Variants in CNBD1 observed in about 807,000 individuals in gnomAD.
CNBD1 encodes the protein cyclic nucleotide-binding domain-containing protein 1.
In CNBD1, 71 loss-of-function variants were observed where a neutral mutation model predicts 54.4. That is an observed-to-expected ratio of 1.30 (90% confidence interval 1.08 to 1.59). CNBD1 has a LOEUF of 1.59. CNBD1 is among the 40% of genes most tolerant of loss of function. CNBD1 has a pLI of 0.00. For synonymous variants in CNBD1, 182 were observed against 170.7 expected (o/e 1.07, Z -0.51); for missense variants, 659 against 518.0 (o/e 1.27, Z -2.64).
chr8:87,196,714 C>T (rs1250924663), intron 4 of CNBD1, among the ~76,000 whole-genome samples: 1 of 152,182 alleles, frequency 6.6e-6, no homozygotes, highest in Admixed American at 6.5e-5. Flanking sequence ...GATCAGAAGC[C>T]AGATACCACT....
chr8:87,423,418 C>T (rs1345789119), intron 2 of CNBD1, among the ~76,000 whole-genome samples: 2 of 151,558 alleles, frequency 1.3e-5, no homozygotes, highest in African/African-American at 2.4e-5. Context: ...GGGTTTGTCA[C>T]AGATAGCTCT....
At chr8:86,878,278 A>G (rs989796459) in intron 1 of CNBD1, among the ~76,000 whole-genome samples, 1 of 152,098 alleles carries the variant, frequency 6.6e-6, no homozygotes, top group Non-Finnish European at 1.5e-5. Flanking sequence ...CAGGATTATT[A>G]AATAGTGGTT....
At chr8:87,022,916 G>C (rs146178261) in intron 4 of CNBD1, among the ~76,000 whole-genome samples, 453 of 152,300 alleles carry the variant, frequency 3.0e-3, no homozygotes, top group African/African-American at 0.01. Flanking sequence ...ATGGAGGTAA[G>C]AAAGGAGGCA....
downstream of CNBD1, among the ~76,000 whole-genome samples, chr8:87,386,907 T>C (rs1049005502): frequency 2.6e-4 from 39 of 152,178 alleles, no homozygotes; most frequent in African/African-American, 9.4e-4. Context: ...ACAGCTGATC[T>C]CTCAGCAGAA....
intron 4 of CNBD1, among the ~76,000 whole-genome samples, chr8:87,204,603 C>A (rs796332345): frequency 4.6e-5 from 7 of 152,148 alleles, no homozygotes; most frequent in African/African-American, 1.7e-4. Flanking sequence ...ACTAAGCAAA[C>A]AAAACAGAAT....
At chr8:87,224,077 T>G (rs2130811862) in intron 5 of CNBD1, among the ~76,000 whole-genome samples, 1 of 151,428 alleles carries the variant, frequency 6.6e-6, no homozygotes, top group South Asian at 2.1e-4. Context: ...TCACCCACTT[T>G]TTGATGGGGT....
In CNBD1 at chr8:87,382,702, C is replaced by A; in HGVS notation, c.*75C>A. 1 of 1,097,584 alleles carries A rather than the reference C, an allele frequency of 9.1e-7. No homozygotes were observed. The highest frequency in any genetic ancestry group is 1.3e-6 in the Non-Finnish European group (1 of 752,088). 68.0% of individuals were successfully genotyped at this position (1,097,584 alleles called of 1,614,324 possible). On this transcript the variant is annotated 3_prime_UTR_variant, in exon 11 of 11. Coordinates refer to ENST00000518476, the MANE Select transcript of CNBD1 (RefSeq NM_173538.3). ...AATGGAATAATTGCATTCTGGAATACTATCAAACTACCAGCAATGAATTTG... is the reference window on the plus strand; with the variant it reads ...AATGGAATAATTGCATTCTGGAATAATATCAAACTACCAGCAATGAATTTG...
chr8:86,900,953 C>T (rs1265858320), intron 2 of CNBD1, among the ~76,000 whole-genome samples: 2 of 152,102 alleles, frequency 1.3e-5, no homozygotes, highest in South Asian at 2.1e-4. Context: ...TGTGGAACTT[C>T]TTTGAAAAAA....
intron 4 of CNBD1, among the ~76,000 whole-genome samples, chr8:87,074,990 A>T (rs1810838538): frequency 6.6e-6 from 1 of 152,176 alleles, no homozygotes; most frequent in African/African-American, 2.4e-5. Flanking sequence ...TCTTTTTGGA[A>T]AAAGTACATA....
chr8:87,426,138 G>A (rs939262546), intron 2 of CNBD1, among the ~76,000 whole-genome samples: 2 of 152,224 alleles, frequency 1.3e-5, no homozygotes, highest in African/African-American at 4.8e-5. Context: ...CTGAGCCCTT[G>A]TGCTTCCTGA....
At chr8:87,252,215 G>C (rs565894296) in intron 6 of CNBD1, among the ~76,000 whole-genome samples, 120 of 152,150 alleles carry the variant, frequency 7.9e-4, no homozygotes, top group Admixed American at 2.7e-3. Flanking sequence ...AAAGGAAAAG[G>C]CTTTTCCATT....
chr8:87,381,433 G>A (rs528078548), intron 10 of CNBD1, among the ~76,000 whole-genome samples: 1 of 151,862 alleles, frequency 6.6e-6, no homozygotes, highest in Non-Finnish European at 1.5e-5. Flanking sequence ...GTTAATGGGA[G>A]CACAAAATGA....
chr8:87,111,284 C>T (rs145526848), intron 4 of CNBD1, among the ~76,000 whole-genome samples: 1 of 152,226 alleles, frequency 6.6e-6, no homozygotes, highest in African/African-American at 2.4e-5. Flanking sequence ...AAATGACAAC[C>T]AAGTAGGCCC....
intron 1 of CNBD1, among the ~76,000 whole-genome samples, chr8:86,879,338 A>G (rs996788213): frequency 6.6e-6 from 1 of 152,230 alleles, no homozygotes; most frequent in Non-Finnish European, 1.5e-5. Context: ...TTAAAAAGTC[A>G]TAAAGAAAGA....
In CNBD1 at chr8:87,351,893, C is replaced by T. The variant is rs1257845288; in HGVS notation, c.1152+99C>T. On this transcript the variant is annotated intron_variant, in intron 9 of 10. Transcript: ENST00000518476. ...ACTTACTAGACATTTATTTGTATTACTTTGTGAAATTTCTATTCAATTTTT... is the reference window on the plus strand; with the variant it reads ...ACTTACTAGACATTTATTTGTATTATTTTGTGAAATTTCTATTCAATTTTT... 11 of 1,177,924 alleles carry T rather than the reference C, an allele frequency of 9.3e-6. No homozygotes were observed. The South Asian group carries it at 1.4e-4, about 15-fold the overall frequency. 73.0% of individuals were successfully genotyped at this position (1,177,924 alleles called of 1,614,324 possible).
In CNBD1 at chr8:86,991,614, G is replaced by A. The variant is rs989599881; in HGVS notation, c.431+51860G>A. 4.6e-5 allele frequency among the ~76,000 whole-genome samples: 7 copies of A among 151,992 alleles called. 1 individual carries two copies. Among genetic ancestry groups the A allele is most frequent in the Admixed American group, 2.0e-4 (3 of 15,270 alleles). On this transcript the variant is annotated intron_variant, in intron 4 of 10. Coordinates refer to ENST00000518476, the MANE Select transcript of CNBD1 (RefSeq NM_173538.3). Reference sequence around the variant, plus strand: ...TCTTCTAGGTGCATTAAGTTAGATTGTTACTTTGCAATCTTTCTAACTTCT... The same window carrying A: ...TCTTCTAGGTGCATTAAGTTAGATTATTACTTTGCAATCTTTCTAACTTCT...
chr8:87,173,520 C>T (rs1205441329), intron 4 of CNBD1, among the ~76,000 whole-genome samples: 1 of 152,110 alleles, frequency 6.6e-6, no homozygotes, highest in Admixed American at 6.5e-5. Flanking sequence ...GTCTTTATTT[C>T]TCTGTCATGT....
chr8:87,220,325 G>C (rs1231150480), intron 5 of CNBD1, among the ~76,000 whole-genome samples: 1 of 151,848 alleles, frequency 6.6e-6, no homozygotes, highest in South Asian at 2.1e-4. Flanking sequence ...CCTCTGACCA[G>C]TCACCTCAAG....
chr8:87,192,659 A>G (rs2130787059), intron 4 of CNBD1, among the ~76,000 whole-genome samples: 1 of 152,298 alleles, frequency 6.6e-6, no homozygotes, highest in East Asian at 1.9e-4. Context: ...GTAACCAACT[A>G]ATTAAAATTA....
Sources: allele counts gnomAD v4.1 joint callset (sites outside exome capture counted in the v4.1 genomes callset), GRCh38; gene constraint gnomAD v4.1.1; transcripts MANE v1.5; gene names NCBI Gene and HGNC (gene_info 2026-07-23, HGNC 2026-07-21).